NCOA2: variants seen among roughly 807,000 people sequenced by gnomAD.
NCOA2 encodes the protein class E basic helix-loop-helix protein 75.
Under a neutral mutation model 145.1 loss-of-function variants are expected in NCOA2, and 21 were observed. The observed-to-expected ratio is 0.14, with a 90% CI of 0.10 to 0.21. NCOA2 has a LOEUF of 0.21. Among genes scored for constraint, NCOA2 ranks in the 10% least tolerant of loss-of-function variants. NCOA2 has a pLI of 1.00. For missense variants in NCOA2, 1,472 were observed against 1,837.6 expected, an observed-to-expected ratio of 0.80 and a Z score of 3.64; for synonymous variants, 619 against 637.5, an observed-to-expected ratio of 0.97 and a Z score of 0.44.
chr8:70,449,784 C>T, the NCOA2 span, among the ~76,000 whole-genome samples: 1 of 152,180 alleles, frequency 6.6e-6, no homozygotes, highest in African/African-American at 2.4e-5. Flanking sequence ...TGGGACTAGA[C>T]CAGAGAACAG....
chr8:70,414,574 G>A, the NCOA2 span, among the ~76,000 whole-genome samples: 1 of 152,126 alleles, frequency 6.6e-6, no homozygotes, highest in East Asian at 1.9e-4. Flanking sequence ...CTATCCAAGT[G>A]CAGCATAGTT....
At chr8:70,229,401 A>G (rs1049746821) in intron 2 of NCOA2, among the ~76,000 whole-genome samples, 1 of 152,252 alleles carries the variant, frequency 6.6e-6, no homozygotes, top group African/African-American at 2.4e-5. Context: ...CATTTGGAAG[A>G]GTAGGCAAAG....
intron 19 of NCOA2, among the ~76,000 whole-genome samples, chr8:70,125,437 A>G (rs1808306719): frequency 6.6e-6 from 1 of 151,904 alleles, no homozygotes; most frequent in African/African-American, 2.4e-5. Context: ...AATTTTTTTA[A>G]TTTTTAGTAG....
the NCOA2 span, among the ~76,000 whole-genome samples, chr8:70,431,987 T>C: frequency 2.0e-5 from 3 of 152,228 alleles, no homozygotes; most frequent in African/African-American, 7.2e-5. Flanking sequence ...AAAGTTTATT[T>C]GAACGGAATA....
chr8:70,133,086 G>C (rs941824217), intron 15 of NCOA2, among the ~76,000 whole-genome samples: 10 of 151,952 alleles, frequency 6.6e-5, no homozygotes, highest in East Asian at 5.8e-4. Flanking sequence ...GTGTGTGTGT[G>C]TGTGTGTATG....
At chr8:70,424,367 T>C in the NCOA2 span, 1 of 372,488 alleles carries the variant, frequency 2.7e-6, no homozygotes, top group Non-Finnish European at 5.3e-6. Context: ...GCATGGATTC[T>C]GCTTAGTGGC....
At chr8:70,401,104 C>T (rs1563849691) in intron 1 of NCOA2, among the ~76,000 whole-genome samples, 1 of 151,560 alleles carries the variant, frequency 6.6e-6, no homozygotes, top group Admixed American at 6.6e-5. Context: ...CACACACATA[C>T]ACACACACAC....
At chr8:70,244,461 A>G (rs1358591943) in intron 2 of NCOA2, among the ~76,000 whole-genome samples, 3 of 152,104 alleles carry the variant, frequency 2.0e-5, no homozygotes, top group Non-Finnish European at 4.4e-5. Flanking sequence ...CAGTAGCATA[A>G]GATCAATCTG....
intron 4 of NCOA2, among the ~76,000 whole-genome samples, chr8:70,185,464 T>C (rs75572222): frequency 0.032 from 4,916 of 152,188 alleles, 263 homozygotes; most frequent in African/African-American, 0.11. Flanking sequence ...GGCCAAGCAA[T>C]GAAGGCACAG....
chr8:70,312,278 T>C (rs1805192731), intron 1 of NCOA2, among the ~76,000 whole-genome samples: 1 of 152,190 alleles, frequency 6.6e-6, no homozygotes, highest in Non-Finnish European at 1.5e-5. Context: ...AACAGTACAA[T>C]TTTAGGCCTT....
chr8:70,376,273 C>T (rs1811658179), intron 1 of NCOA2, among the ~76,000 whole-genome samples: 1 of 152,108 alleles, frequency 6.6e-6, no homozygotes, highest in South Asian at 2.1e-4. Flanking sequence ...TAGTCAGTCT[C>T]CTTCGGGGAG....
At chr8:70,167,946 A>T (rs1050071652) in intron 6 of NCOA2, among the ~76,000 whole-genome samples, 4 of 152,246 alleles carry the variant, frequency 2.6e-5, no homozygotes, top group African/African-American at 9.6e-5. Context: ...ATCAGAATCA[A>T]TCCTAATTCT....
intron 1 of NCOA2, among the ~76,000 whole-genome samples, 185 bp from the exon 2 acceptor site, chr8:70,296,985 G>A (rs75920913): frequency 0.046 from 6,934 of 152,250 alleles, 263 homozygotes; most frequent in East Asian, 0.16. Flanking sequence ...TAGACTTGCT[G>A]CATTACTTTT....
intron 12 of NCOA2, among the ~76,000 whole-genome samples, chr8:70,147,121 CGCGCGCGTGT>C (rs796222011): frequency 1.1e-3 from 167 of 150,832 alleles, no homozygotes; most frequent in African/African-American, 3.9e-3. Flanking sequence ...CGCGCGCGCG[CGCGCGCGTGT>C]GTGTGTGTGT....
At chr8:70,177,219 C>G (rs189192088) in intron 4 of NCOA2, among the ~76,000 whole-genome samples, 305 of 152,276 alleles carry the variant, frequency 2.0e-3, no homozygotes, top group Non-Finnish European at 1.9e-3. Flanking sequence ...TCAGAATGTG[C>G]AGTGGGAACA....
chr8:70,326,473 G>GCACACACACACA (rs771384690), intron 1 of NCOA2, among the ~76,000 whole-genome samples: 7 of 143,424 alleles, frequency 4.9e-5, no homozygotes, highest in African/African-American at 1.8e-4. Context: ...ACACACACAT[G>GCACACACACACA]CACACACACA....
chr8:70,293,097 G>A (rs1826826726), intron 2 of NCOA2, among the ~76,000 whole-genome samples: 1 of 152,030 alleles, frequency 6.6e-6, no homozygotes, highest in South Asian at 2.1e-4. Flanking sequence ...GTCATTTGAA[G>A]AAAATACCAC....
intron 1 of NCOA2, among the ~76,000 whole-genome samples, chr8:70,381,826 C>T (rs1366041978): frequency 3.9e-5 from 6 of 152,112 alleles, no homozygotes; most frequent in African/African-American, 1.4e-4. Context: ...TACCCATGTG[C>T]TCACAACCAC....
intron 2 of NCOA2, among the ~76,000 whole-genome samples, chr8:70,242,773 A>G (rs929720208): frequency 2.0e-5 from 3 of 152,094 alleles, no homozygotes; most frequent in Admixed American, 6.6e-5. Context: ...GGTCCTATGA[A>G]CACATTTCAC....
Sources: allele counts gnomAD v4.1 joint callset (sites outside exome capture counted in the v4.1 genomes callset), GRCh38; gene constraint gnomAD v4.1.1; transcripts MANE v1.5; gene names NCBI Gene and HGNC (gene_info 2026-07-23, HGNC 2026-07-21).